Variants in KIAA2012 observed in about 807,000 individuals in gnomAD.
The protein encoded by KIAA2012 is uncharacterized protein KIAA2012.
KIAA2012 carries 125 observed loss-of-function variants against 150.6 expected under a neutral mutation model. The ratio of observed to expected loss-of-function variants is 0.83; its 90% CI spans 0.72 to 0.96. The LOEUF is 0.96. KIAA2012 is among the 40% of genes least tolerant of loss of function. The pLI is 0.00. For missense variants in KIAA2012, 1,219 were observed against 1,354.9 expected, an observed-to-expected ratio of 0.90 and a Z score of 1.57; for synonymous variants, 462 against 504.7, an observed-to-expected ratio of 0.92 and a Z score of 1.13.
chr2:202,147,733 C>A (rs1214626953), intron 13 of KIAA2012, among the ~76,000 whole-genome samples: 1 of 152,048 alleles, frequency 6.6e-6, no homozygotes, highest in Non-Finnish European at 1.5e-5. Flanking sequence ...CCCTGTCTGT[C>A]GGTTGTCAGA....
chr2:202,087,421 G>A (rs1689597242), intron 2 of KIAA2012, among the ~76,000 whole-genome samples: 1 of 143,206 alleles, frequency 7.0e-6, no homozygotes, highest in South Asian at 2.2e-4. Flanking sequence ...GCTGAGGCAG[G>A]AGAATCGTTT....
chr2:202,142,312 G>A (rs1213857048), intron 13 of KIAA2012, among the ~76,000 whole-genome samples: 1 of 152,134 alleles, frequency 6.6e-6, no homozygotes, highest in Non-Finnish European at 1.5e-5. Flanking sequence ...TATAACTCAT[G>A]AAACATGAAA....
intron 17 of KIAA2012, 91 bp downstream of exon 17, chr2:202,187,189 T>G (rs1379453770): frequency 1.4e-6 from 2 of 1,384,758 alleles, no homozygotes; most frequent in African/African-American, 2.9e-5. Context: ...GCTCACTATA[T>G]GAGGGCACCC....
chr2:202,082,253 G>C (rs1689467087), intron 2 of KIAA2012, among the ~76,000 whole-genome samples: 1 of 152,104 alleles, frequency 6.6e-6, no homozygotes, highest in African/African-American at 2.4e-5. Flanking sequence ...ACTCTGGGAG[G>C]CTGAGGCAGG....
intron 2 of KIAA2012, among the ~76,000 whole-genome samples, chr2:202,082,837 G>A (rs181932662): frequency 3.5e-5 from 4 of 114,088 alleles, no homozygotes; most frequent in African/African-American, 1.4e-4. Context: ...TGTACGGTAA[G>A]AGTCCAATTT....
chr2:202,170,637 G>C (rs1691867165), intron 15 of KIAA2012, among the ~76,000 whole-genome samples: 1 of 152,194 alleles, frequency 6.6e-6, no homozygotes, highest in Non-Finnish European at 1.5e-5. Flanking sequence ...TGTGATCAGT[G>C]CTCTAAGAGA....
Position 202,203,282 on chromosome 2 carries a change from TTATA to T in KIAA2012, c.*20+699_*20+702del, listed in dbSNP as rs560736159. Among the ~76,000 whole-genome samples, 23 of 152,270 alleles carry T rather than the reference TTATA, an allele frequency of 1.5e-4. 1 individual carries two copies. The East Asian group carries it at 4.4e-3, about 29-fold the overall frequency. On this transcript the variant is annotated intron_variant, in intron 23 of 23. Transcript: ENST00000498697. ...GCAAAATTTTGTAATGCAGAGAAAT[TTATA>T]TATTCAAATATATAAAGAATTTTAT...
intron 15 of KIAA2012, among the ~76,000 whole-genome samples, chr2:202,180,280 A>G (rs1046632047): frequency 7.9e-5 from 12 of 152,260 alleles, no homozygotes; most frequent in Middle Eastern, 3.4e-3. Flanking sequence ...AAAAAAAAAA[A>G]AAAAAAAAGA....
intron 11 of KIAA2012, among the ~76,000 whole-genome samples, chr2:202,118,696 C>T (rs1009306940): frequency 9.9e-5 from 15 of 152,186 alleles, no homozygotes; most frequent in Non-Finnish European, 1.5e-4. Context: ...GTCTATCACA[C>T]GTACCACAGT....
rs1477192897 is a variant in KIAA2012, at chr2:202,154,929, A to C, written c.2046+119A>C. The stretch of plus-strand genomic sequence containing the variant: ...AGTCCCTCAGAGCTCCTGCATTATC[A>C]GAAGGGACAGAAAATAGGCAGTTTG... On this transcript the variant is annotated intron_variant, in intron 14 of 23. Coordinates refer to ENST00000498697, the MANE Select transcript of KIAA2012 (RefSeq NM_001277372.4). 11 of 1,181,710 alleles carry C rather than the reference A, an allele frequency of 9.3e-6. No homozygotes were observed. In the African/African-American group the frequency reaches 1.6e-4, roughly 17 times the overall value. The allele number at this position is 1,181,710 out of a possible 1,614,324, so 73.2% of individuals were successfully genotyped here.
intron 13 of KIAA2012, among the ~76,000 whole-genome samples, chr2:202,154,130 A>G (rs559962562): frequency 1.3e-5 from 2 of 152,212 alleles, no homozygotes; most frequent in Non-Finnish European, 2.9e-5. Context: ...TCTCTGCTAC[A>G]TTTGTTCAAA....
At chr2:202,141,105 C>T (rs1427989148) in intron 13 of KIAA2012, among the ~76,000 whole-genome samples, 2 of 152,174 alleles carry the variant, frequency 1.3e-5, no homozygotes, top group African/African-American at 4.8e-5. Context: ...GGGGTGACGG[C>T]GTTCCCTGGG....
chr2:202,181,150 T>C (rs1441284917), intron 15 of KIAA2012, among the ~76,000 whole-genome samples: 1 of 152,124 alleles, frequency 6.6e-6, no homozygotes, highest in East Asian at 1.9e-4. Context: ...TTCTATTTTT[T>C]GTAGAGACAG....
At chr2:202,165,199 C>T in intron 14 of KIAA2012, 85 bp from the exon 15 acceptor site, 2 of 1,324,796 alleles carry the variant, frequency 1.5e-6, no homozygotes, top group Non-Finnish European at 2.1e-6. Flanking sequence ...TTCCCTCTTA[C>T]CAAAGGTCAT....
intron 2 of KIAA2012, among the ~76,000 whole-genome samples, chr2:202,079,758 T>G (rs1475202508): frequency 6.6e-6 from 1 of 152,198 alleles, no homozygotes; most frequent in Non-Finnish European, 1.5e-5. Flanking sequence ...TGTTTAGCAT[T>G]TCCAAAGTTG....
intron 2 of KIAA2012, among the ~76,000 whole-genome samples, chr2:202,087,852 C>G (rs1263891075): frequency 6.6e-6 from 1 of 152,080 alleles, no homozygotes; most frequent in African/African-American, 2.4e-5. Context: ...GTAGTTTCAC[C>G]TTAGTTTCAT....
intron 23 of KIAA2012, 149 bp downstream of exon 23, chr2:202,202,736 T>A: frequency 2.6e-6 from 1 of 384,866 alleles, no homozygotes; most frequent in East Asian, 3.7e-5. Context: ...GAGACCATCC[T>A]AGGCAACATA....
chr2:202,184,661 G>T, intron 15 of KIAA2012, 92 bp from the exon 16 acceptor site: 1 of 800,578 alleles, frequency 1.2e-6, no homozygotes, highest in Non-Finnish European at 1.9e-6. Context: ...GCATGCCTTT[G>T]GCTACTCACC....
intron 1 of KIAA2012, 78 bp downstream of exon 1, chr2:202,073,789 C>T (rs1159789633): frequency 1.5e-6 from 2 of 1,292,426 alleles, no homozygotes; most frequent in East Asian, 5.1e-5. Flanking sequence ...GGAGGTAAAC[C>T]ATGTGTGTCT....
Sources: allele counts gnomAD v4.1 joint callset (sites outside exome capture counted in the v4.1 genomes callset), GRCh38; gene constraint gnomAD v4.1.1; transcripts MANE v1.5; gene names NCBI Gene and HGNC (gene_info 2026-07-23, HGNC 2026-07-21).